Variants in NBEA observed in about 807,000 individuals in gnomAD.
NBEA encodes lysosomal-trafficking regulator 2.
Under a neutral mutation model 343.4 loss-of-function variants are expected in NBEA, and 44 were observed. The ratio of observed to expected loss-of-function variants is 0.13; its 90% CI spans 0.10 to 0.16. NBEA has a LOEUF of 0.16. Among genes scored for constraint, NBEA ranks in the 10% least tolerant of loss-of-function variants. NBEA has a pLI of 1.00. For missense variants in NBEA, 2,555 were observed against 3,631.3 expected, an observed-to-expected ratio of 0.70 and a Z score of 7.62; for synonymous variants, 1,175 against 1,238.7, an observed-to-expected ratio of 0.95 and a Z score of 1.08.
chr13:35,331,330 A>G (rs2038914631), intron 36 of NBEA, among the ~76,000 whole-genome samples: 1 of 151,628 alleles, frequency 6.6e-6, no homozygotes, highest in Admixed American at 6.6e-5. Flanking sequence ...CAGTTTGGGC[A>G]TGCACTCTTT....
At chr13:35,118,072 A>G (rs1292201908) in intron 14 of NBEA, among the ~76,000 whole-genome samples, 156 bp from the exon 15 acceptor site, 2 of 152,052 alleles carry the variant, frequency 1.3e-5, no homozygotes, top group Non-Finnish European at 2.9e-5. Flanking sequence ...TTGAAATAAT[A>G]CAGTCTATAA....
intron 1 of NBEA, among the ~76,000 whole-genome samples, chr13:35,010,031 A>C (rs2061431446): frequency 6.6e-6 from 1 of 152,138 alleles, no homozygotes; most frequent in Admixed American, 6.6e-5. Context: ...GAAGATCAAG[A>C]GTTTGTTCTT....
intron 41 of NBEA, among the ~76,000 whole-genome samples, chr13:35,515,855 C>G (rs2077466484): frequency 6.6e-6 from 1 of 151,684 alleles, no homozygotes; most frequent in African/African-American, 2.4e-5. Context: ...TTTTAATTAC[C>G]TGTTTCTTAT....
chr13:35,593,804 G>A (rs2081637507), intron 47 of NBEA, among the ~76,000 whole-genome samples: 1 of 152,036 alleles, frequency 6.6e-6, no homozygotes. Context: ...GTGTCATATT[G>A]TTATAGCTTG....
intron 34 of NBEA, among the ~76,000 whole-genome samples, chr13:35,259,455 G>T (rs757202816): frequency 1.2e-4 from 18 of 152,010 alleles, no homozygotes; most frequent in Non-Finnish European, 2.4e-4. Flanking sequence ...CTTGTTTAAA[G>T]AAAATGGTCA....
chr13:35,491,301 C>T (rs1390059755), intron 41 of NBEA, among the ~76,000 whole-genome samples: 2 of 151,872 alleles, frequency 1.3e-5, no homozygotes, highest in Non-Finnish European at 2.9e-5. Context: ...AAACAATACT[C>T]GCCAATATAA....
intron 40 of NBEA, among the ~76,000 whole-genome samples, chr13:35,465,971 G>A (rs2075370783): frequency 6.6e-6 from 1 of 152,044 alleles, no homozygotes; most frequent in Non-Finnish European, 1.5e-5. Flanking sequence ...ATACATTAAG[G>A]TGGGATTTTA....
intron 34 of NBEA, among the ~76,000 whole-genome samples, chr13:35,288,758 CA>C (rs1264626941): frequency 6.6e-6 from 1 of 151,904 alleles, no homozygotes; most frequent in African/African-American, 2.4e-5. Context: ...TTCTTTATAT[CA>C]AAGCCTTATT....
chr13:35,364,035 G>C (rs1278136447), intron 38 of NBEA, among the ~76,000 whole-genome samples: 1 of 151,954 alleles, frequency 6.6e-6, no homozygotes, highest in Non-Finnish European at 1.5e-5. Flanking sequence ...GCATGTTCTA[G>C]TGGAAATGTC....
At chr13:35,353,613 T>C (rs2040325960) in intron 38 of NBEA, among the ~76,000 whole-genome samples, 1 of 152,154 alleles carries the variant, frequency 6.6e-6, no homozygotes, top group African/African-American at 2.4e-5. Flanking sequence ...ATCATAATAA[T>C]AGCAATAACC....
At chr13:35,107,665 T>C (rs1275841614) in intron 11 of NBEA, among the ~76,000 whole-genome samples, 3 of 152,046 alleles carry the variant, frequency 2.0e-5, no homozygotes, top group African/African-American at 7.2e-5. Context: ...AGAGTTTTTT[T>C]CTTCAATTTT....
At chr13:35,037,895 A>G (rs951387101) in intron 1 of NBEA, among the ~76,000 whole-genome samples, 13 of 152,186 alleles carry the variant, frequency 8.5e-5, no homozygotes, top group African/African-American at 3.1e-4. Context: ...ATTAGCAAGT[A>G]ACAAAGCCAG....
Position 35,451,991 on chromosome 13 carries a change from A to T in NBEA, c.6305-101A>T, listed in dbSNP as rs530841188. 51 of 837,606 alleles carry T rather than the reference A, an allele frequency of 6.1e-5. No homozygotes were observed. In the African/African-American group the frequency reaches 7.9e-4, roughly 13 times the overall value. 51.9% of individuals were successfully genotyped at this position (837,606 alleles called of 1,614,324 possible). Reference sequence around the variant, plus strand: ...TCTGTAATTGTAAAGTAATATGTAAATGCAGCATATAATTTAATAAAGCAA... The same window carrying T: ...TCTGTAATTGTAAAGTAATATGTAATTGCAGCATATAATTTAATAAAGCAA... On this transcript the variant is annotated intron_variant, in intron 39 of 58. Coordinates refer to ENST00000379939, the MANE Select transcript of NBEA (RefSeq NM_001385012.1).
chr13:35,288,575 A>G (rs959981020), intron 34 of NBEA, among the ~76,000 whole-genome samples: 7 of 151,860 alleles, frequency 4.6e-5, no homozygotes, highest in Admixed American at 4.0e-4. Flanking sequence ...TATTTTTCTT[A>G]TGATGGAATG....
intron 17 of NBEA, among the ~76,000 whole-genome samples, chr13:35,125,762 A>G (rs516842): frequency 0.15 from 22,776 of 152,132 alleles, 2,525 homozygotes; most frequent in African/African-American, 0.3. Flanking sequence ...TAGCAGAAAA[A>G]TATTGCTATG....
At chr13:35,134,249 A>T (rs1367509754) in intron 17 of NBEA, among the ~76,000 whole-genome samples, 3 of 152,034 alleles carry the variant, frequency 2.0e-5, no homozygotes, top group African/African-American at 7.2e-5. Context: ...ACCAATTGAT[A>T]ATACATACAG....
intron 34 of NBEA, among the ~76,000 whole-genome samples, chr13:35,286,020 A>C: frequency 6.6e-6 from 1 of 152,126 alleles, no homozygotes; most frequent in East Asian, 1.9e-4. Flanking sequence ...AGATAGGCTC[A>C]GCATTATCCA....
chr13:35,322,706 G>A (rs956801275), intron 36 of NBEA, among the ~76,000 whole-genome samples: 3 of 152,042 alleles, frequency 2.0e-5, no homozygotes, highest in Non-Finnish European at 2.9e-5. Context: ...ATCTTAAATA[G>A]TATTTCTTAT....
intron 34 of NBEA, among the ~76,000 whole-genome samples, chr13:35,282,184 T>G (rs2152811941): frequency 6.6e-6 from 1 of 152,196 alleles, no homozygotes; most frequent in East Asian, 1.9e-4. Context: ...AGTGCTGGGA[T>G]TACAGGCATG....
Sources: gnomAD v4.1 joint callset for allele counts (sites outside exome capture counted in the v4.1 genomes callset) on GRCh38, gnomAD v4.1.1 for gene constraint, MANE v1.5 for transcripts, NCBI Gene and HGNC (gene_info 2026-07-23, HGNC 2026-07-21) for gene names.